Variants in FAT4 observed in about 807,000 individuals in gnomAD.
FAT4 encodes the protein FAT atypical cadherin 4.
In FAT4, 84 loss-of-function variants were observed where a neutral mutation model predicts 303.9. The ratio of observed to expected loss-of-function variants is 0.28; its 90% CI spans 0.23 to 0.33. FAT4 has a LOEUF of 0.33. Ranked by LOEUF, FAT4 falls within the 10% of genes least tolerant of loss-of-function variation. The pLI, the probability that FAT4 is intolerant of heterozygous loss-of-function variation, is 1.00. For missense variants in FAT4, 6,005 were observed against 6,146.8 expected, an observed-to-expected ratio of 0.98 and a Z score of 0.77; for synonymous variants, 2,307 against 2,298.8, an observed-to-expected ratio of 1.00 and a Z score of -0.10.
chr4:125,342,223 A>G (rs1731828282), intron 2 of FAT4, among the ~76,000 whole-genome samples: 2 of 152,152 alleles, frequency 1.3e-5, no homozygotes, highest in South Asian at 4.1e-4. Context: ...CTTTTGATCT[A>G]TAAATTTCTA....
Position 125,319,775 on chromosome 4 carries a change from G to A in FAT4, c.3364G>A (p.Val1122Ile). Residue 1122 changes from valine (V) to isoleucine (I), a missense_variant, in exon 2 of 18, where the codon GTA becomes ATA. By Grantham distance (29) the Val-to-Ile change is conservative (BLOSUM62 3). Coordinates refer to ENST00000394329, the MANE Select transcript of FAT4 (RefSeq NM_001291303.3). The stretch of plus-strand genomic sequence containing the variant: ...GAGGGCTGGGTCGTTTGTGGGCAAA[G>A]TAAGTGCTGTAGATAAAGACTTTGG... ...EQRAGSFVGK[V>I]SAVDKDFGPN... The A allele has an allele frequency of 6.2e-7, 1 of 1,614,226 alleles. No homozygotes were observed. Among genetic ancestry groups the A allele is most frequent in the Non-Finnish European group, 8.5e-7 (1 of 1,180,042 alleles).
In FAT4 at chr4:125,316,189, T is replaced by A. The variant is rs1385470175; in HGVS notation, c.-12-211T>A. 6.6e-6 allele frequency among the ~76,000 whole-genome samples: 1 copy of A among 152,082 alleles called. No individual in the cohort carries two copies. Among genetic ancestry groups the A allele is most frequent in the Non-Finnish European group, 1.5e-5 (1 of 68,018 alleles). ...GTGTCCCGCGGAATGCCCTGCCGCT[T>A]TTCGCCACAGCATCTCTCTTGCACT... On this transcript the variant is annotated intron_variant, in intron 1 of 17. Transcript: ENST00000394329. The surrounding 1 kb of genome is among the most constrained non-coding windows in gnomAD (Gnocchi z 5.7).
At position 125,451,851 on chromosome 4, in the gene FAT4, C is replaced by T; in HGVS notation, c.10841C>T (p.Ser3614Leu). 6.2e-7 allele frequency: 1 copy of T among 1,614,130 alleles called. No homozygotes were observed. The highest frequency in any genetic ancestry group is 8.5e-7 in the Non-Finnish European group (1 of 1,180,032). Reference sequence around the variant, plus strand: ...GTTATAGACCAAAATGACAATCCTTCACAGTCTCGGACGGTGGAGATATTT... The same window carrying T: ...GTTATAGACCAAAATGACAATCCTTTACAGTCTCGGACGGTGGAGATATTT... ...ITVIDQNDNP[S>L]QSRTVEIFVN... The change falls in exon 10 of 18, where the codon TCA becomes TTA. Residue 3614 changes from serine to leucine, a missense_variant. By Grantham distance (145) the Ser-to-Leu change is moderately radical. Transcript: ENST00000394329.
Position 125,414,901 on chromosome 4 carries a change from A to C in FAT4, c.5938A>C (p.Thr1980Pro), listed in dbSNP as rs747817768. ...DADDGINSQL[T>P]YSIASGDSLG... ...AATTTCAGGCATCAACTCTCAATTG[A>C]CTTATAGCATTGCTTCAGGTGATAG... Residue 1980 changes from threonine to proline, a missense_variant, in exon 6 of 18, where the codon ACT becomes CCT. Thr to Pro is a conservative substitution (Grantham distance 38). Transcript: ENST00000394329. 1.3e-6 allele frequency: 2 copies of C among 1,599,412 alleles called. No individual in the cohort carries two copies. The highest frequency in any genetic ancestry group is 1.7e-6 in the Non-Finnish European group (2 of 1,169,344).
At position 125,490,413 on chromosome 4, in the gene FAT4, G is replaced by A. The variant is rs999854092; in HGVS notation, c.13597G>A (p.Gly4533Arg). The A allele has an allele frequency of 2.5e-6, 4 of 1,614,098 alleles. No homozygotes were observed. Among genetic ancestry groups the A allele is most frequent in the Non-Finnish European group, 3.4e-6 (4 of 1,180,036 alleles). Reference protein sequence around the residue: ...LSLILCNQCRGKKAKNPKEEK... With the variant: ...LSLILCNQCRRKKAKNPKEEK... ...CCTGATCCTGTGTAACCAGTGCAGG[G>A]GGAAGAAGGCCAAAAATCCCAAAGA... Residue 4533 changes from glycine (G) to arginine (R), a missense_variant, in exon 18 of 18, where the codon GGG (glycine) becomes AGG (arginine). Gly to Arg is a moderately radical substitution (Grantham distance 125). Coordinates refer to ENST00000394329, the MANE Select transcript of FAT4 (RefSeq NM_001291303.3).
In FAT4 at chr4:125,407,041, G is replaced by C. The variant is rs1410316122; in HGVS notation, c.5469G>C (p.Ser1823=). The change falls in exon 4 of 18, where the codon TCG becomes TCC. Residue 1823 remains serine (S), a synonymous_variant. Coordinates refer to ENST00000394329, the MANE Select transcript of FAT4 (RefSeq NM_001291303.3). ...GTGCTGATGATGGTCTTCAGTCCTC[G>C]GATATGAGAATTAATATCACTGTCA... ...LVRADDGLQS[S]DMRINITVSD... is the part of the protein sequence containing the mutation. 1 of 1,613,612 alleles carries C rather than the reference G, an allele frequency of 6.2e-7. No individual in the cohort carries two copies.
In FAT4 at chr4:125,491,765, G is replaced by A. The variant is rs751811552; in HGVS notation, c.14949G>A (p.Val4983=). The A allele has an allele frequency of 1.2e-5, 19 of 1,605,824 alleles. No individual in the cohort carries two copies. Among genetic ancestry groups the A allele is most frequent in the Admixed American group, 1.7e-5 (1 of 58,516 alleles). ...AAGATGGGGAAGCAGAACAGTATGTGTGAAGTTTATGTACTGGCACTATAA... is the reference window on the plus strand; with the variant it reads ...AAGATGGGGAAGCAGAACAGTATGTATGAAGTTTATGTACTGGCACTATAA... ...VPKDGEAEQY[V] is the part of the protein sequence containing the mutation. Residue 4983 remains valine, a synonymous_variant, in exon 18 of 18, where the codon GTG becomes GTA. Transcript: ENST00000394329.
At position 125,318,400 on chromosome 4, in the gene FAT4, T is replaced by C. The variant is rs766988912; in HGVS notation, c.1989T>C (p.Asp663=). ...ACTCCCTGTTGGTTCTGGCCACAGA[T>C]CTGGGCTCCCCTCCCCAGTCATCAA... ...AFYSLLVLAT[D]LGSPPQSSMA... Residue 663 remains aspartate, a synonymous_variant, in exon 2 of 18, where the codon GAT becomes GAC. Coordinates refer to ENST00000394329, the MANE Select transcript of FAT4 (RefSeq NM_001291303.3). The C allele has an allele frequency of 5.0e-6, 8 of 1,614,154 alleles. No individual in the cohort carries two copies. In the South Asian group the frequency reaches 8.8e-5, roughly 18 times the overall value.
chr4:125,474,537 G>GA lies in FAT4; in HGVS notation c.12214-1627dup, dbSNP rs144151955. On this transcript the variant is annotated intron_variant, in intron 12 of 17. Transcript: ENST00000394329. ...TGTTAGTATTTATTATAATTTACTT[G>GA]AAAAAAATGGCAAAAAAAATTCCAT... 7.7e-3 allele frequency among the ~76,000 whole-genome samples: 1,173 copies of GA among 151,534 alleles called. 53 individuals are homozygous for GA. In the East Asian group the frequency reaches 0.083, roughly 11 times the overall value.
At chr4:125,377,481 G>A (rs762423799) in intron 2 of FAT4, among the ~76,000 whole-genome samples, 2 of 152,022 alleles carry the variant, frequency 1.3e-5, no homozygotes, top group Non-Finnish European at 1.5e-5. Context: ...CCCCAAACAA[G>A]TCAGTTTTGG....
At chr4:125,340,482 C>T (rs1416884744) in intron 2 of FAT4, among the ~76,000 whole-genome samples, 1 of 152,014 alleles carries the variant, frequency 6.6e-6, no homozygotes, top group African/African-American at 2.4e-5. Flanking sequence ...CTCCCGGGTT[C>T]ACGCCATTCT....
intron 2 of FAT4, among the ~76,000 whole-genome samples, chr4:125,327,938 C>A (rs1053569655): frequency 6.6e-6 from 1 of 152,102 alleles, no homozygotes; most frequent in Non-Finnish European, 1.5e-5. Context: ...GCATTAGTGA[C>A]TGTAGCAAAC....
rs375777072 is a variant in FAT4 at position 125,390,896 on chromosome 4, A to T, written c.5176-7888A>T. ...ATTCACTTTTCAAAAGAAGACATTT[A>T]TGTGGCCAACAAACATGAAAAAAAG... On this transcript the variant is annotated intron_variant, in intron 2 of 17. Transcript: ENST00000394329. Among the ~76,000 whole-genome samples, 7 of 152,198 alleles carry T rather than the reference A, an allele frequency of 4.6e-5. No individual in the cohort carries two copies. In the East Asian group the frequency reaches 1.2e-3, roughly 25 times the overall value.
intron 2 of FAT4, among the ~76,000 whole-genome samples, chr4:125,357,675 T>G (rs150537522): frequency 2.0e-5 from 3 of 152,268 alleles, no homozygotes; most frequent in Admixed American, 2.0e-4. Flanking sequence ...CATTGCAATT[T>G]AGGCTTAGGG....
chr4:125,331,897 T>C (rs1316489895), intron 2 of FAT4, among the ~76,000 whole-genome samples: 1 of 152,018 alleles, frequency 6.6e-6, no homozygotes, highest in Non-Finnish European at 1.5e-5. Flanking sequence ...TTGCCTTAAG[T>C]TTAGTTGAAA....
rs1725829005 is a variant in FAT4, at chr4:125,446,379, C to T, written c.7286C>T (p.Thr2429Ile). The T allele has an allele frequency of 6.2e-7, 1 of 1,613,332 alleles. No homozygotes were observed. The highest frequency in any genetic ancestry group is 8.5e-7 in the Non-Finnish European group (1 of 1,179,502). Residue 2429 changes from threonine (T) to isoleucine (I), a missense_variant, in exon 9 of 18, where the codon ACA (threonine) becomes ATA (isoleucine). Coordinates refer to ENST00000394329, the MANE Select transcript of FAT4 (RefSeq NM_001291303.3). The part of the protein sequence containing the change: ...IITSALLDRE[T>I]KDNYTLVVVC... Reference sequence around the variant, plus strand: ...ACCAGCGCATTGTTAGATAGGGAAACAAAAGATAATTATACTTTGGTAGTG... The same window carrying T: ...ACCAGCGCATTGTTAGATAGGGAAATAAAAGATAATTATACTTTGGTAGTG...
At position 125,487,455 on chromosome 4, in the gene FAT4, T is replaced by C; in HGVS notation, c.12933T>C (p.Ile4311=). Residue 4311 remains isoleucine, a synonymous_variant, in exon 17 of 18, where the codon ATT becomes ATC. Coordinates refer to ENST00000394329, the MANE Select transcript of FAT4 (RefSeq NM_001291303.3). ...ACGGCCACTGGCACACTTTTCTAAT[T>C]GGGAAAAATGGAACAGCAACAGTAT... The part of the protein sequence containing the change: ...VADGHWHTFL[I]GKNGTATVLS... The C allele has an allele frequency of 6.2e-7, 1 of 1,614,068 alleles. No individual in the cohort carries two copies. The highest frequency in any genetic ancestry group is 8.5e-7 in the Non-Finnish European group (1 of 1,179,974).
rs567751389 is a variant in FAT4 at position 125,356,867 on chromosome 4, A to G, written c.5175+35281A>G. On this transcript the variant is annotated intron_variant, in intron 2 of 17. Coordinates refer to ENST00000394329, the MANE Select transcript of FAT4 (RefSeq NM_001291303.3). ...ATCTGTATATCAATAGATACAGACT[A>G]TAAGTCAATGGCGGGATACTGCACA... Among the ~76,000 whole-genome samples, 13 of 151,664 alleles carry G rather than the reference A, an allele frequency of 8.6e-5. No homozygotes were observed. The South Asian group carries it at 2.7e-3, about 31-fold the overall frequency.
chr4:125,486,318 A>C (rs1056082806), intron 16 of FAT4, among the ~76,000 whole-genome samples: 4 of 151,888 alleles, frequency 2.6e-5, no homozygotes, highest in African/African-American at 9.7e-5. Flanking sequence ...AATTGGCTTT[A>C]ATAAAATATT....
Sources: allele counts gnomAD v4.1 joint callset (sites outside exome capture counted in the v4.1 genomes callset), GRCh38; gene constraint gnomAD v4.1.1; non-coding constraint Gnocchi (gnomAD v3.1); transcripts MANE v1.5; gene names NCBI Gene and HGNC (gene_info 2026-07-23, HGNC 2026-07-21).